SLC9C1: variants seen among roughly 807,000 people sequenced by gnomAD.
SLC9C1 encodes the protein solute carrier family 9 member C1, also known as sodium/hydrogen exchanger 10.
In SLC9C1, 97 loss-of-function variants were observed where a neutral mutation model predicts 140.9. The ratio of observed to expected loss-of-function variants is 0.69; its 90% CI spans 0.58 to 0.82. The LOEUF is 0.82. SLC9C1 is among the 40% of genes least tolerant of loss of function. The pLI, the probability that SLC9C1 is intolerant of heterozygous loss-of-function variation, is 0.00. For synonymous variants in SLC9C1, 440 were observed against 442.6 expected (o/e 0.99, Z 0.07); for missense variants, 1,340 against 1,389.3 (o/e 0.96, Z 0.56).
intron 11 of SLC9C1, 135 bp from the exon 12 acceptor site, chr3:112,240,141 G>T: frequency 1.3e-6 from 1 of 795,488 alleles, no homozygotes; most frequent in Non-Finnish European, 1.9e-6. Flanking sequence ...TTAATAATGG[G>T]AATACTAAAG....
chr3:112,239,698 T>A lies in SLC9C1; in HGVS notation c.1446+142A>T, dbSNP rs537771541. ...GAAGTTCCTTAACACTCCCCCTTACTACTTTGTTAAATAGAGTTATTAACA... is the reference window on the plus strand; with the variant it reads ...GAAGTTCCTTAACACTCCCCCTTACAACTTTGTTAAATAGAGTTATTAACA... On this transcript the variant is annotated intron_variant, in intron 12 of 28. Coordinates refer to ENST00000305815, the MANE Select transcript of SLC9C1 (RefSeq NM_183061.3). 4.0e-5 allele frequency: 33 copies of A among 828,884 alleles called. 1 individual carries two copies. In the South Asian group the frequency reaches 7.0e-4, roughly 18 times the overall value. 51.3% of individuals were successfully genotyped at this position (828,884 alleles called of 1,614,324 possible).
chr3:112,223,572 TAAAC>T (rs971354918), intron 13 of SLC9C1, among the ~76,000 whole-genome samples: 102 of 138,282 alleles, frequency 7.4e-4, no homozygotes, highest in African/African-American at 2.6e-3. Context: ...ATCAAACAAA[TAAAC>T]AAAGAATGAT....
chr3:112,286,225 C>A (rs2080503541), intron 2 of SLC9C1, among the ~76,000 whole-genome samples: 1 of 152,140 alleles, frequency 6.6e-6, no homozygotes, highest in Non-Finnish European at 1.5e-5. Flanking sequence ...TAAGTAATAT[C>A]ATAACATTTG....
chr3:112,287,017 G>A (rs539573531), intron 1 of SLC9C1, 139 bp from the exon 2 acceptor site: 1 of 413,568 alleles, frequency 2.4e-6, no homozygotes. Context: ...CTTCTATGAT[G>A]CTTTCAAGTT....
chr3:112,254,039 G>GA (rs1228961368), intron 10 of SLC9C1, among the ~76,000 whole-genome samples: 2 of 152,066 alleles, frequency 1.3e-5, no homozygotes, highest in African/African-American at 4.8e-5. Flanking sequence ...AGATAAAAAT[G>GA]AAAAAAGAAT....
chr3:112,144,111 C>T (rs2074712488), intron 28 of SLC9C1, among the ~76,000 whole-genome samples: 1 of 148,832 alleles, frequency 6.7e-6, no homozygotes. Flanking sequence ...GTCTATGTGT[C>T]TGTTTTTGTA....
chr3:112,196,268 T>TA (rs561214932), intron 20 of SLC9C1, among the ~76,000 whole-genome samples: 1 of 152,086 alleles, frequency 6.6e-6, no homozygotes, highest in Non-Finnish European at 1.5e-5. Context: ...CTATTAATCT[T>TA]ATTGAGGATC....
chr3:112,235,680 G>A (rs1354564630), intron 12 of SLC9C1, among the ~76,000 whole-genome samples: 1 of 152,160 alleles, frequency 6.6e-6, no homozygotes, highest in Non-Finnish European at 1.5e-5. Flanking sequence ...TAGCATGAAG[G>A]GCTGTTGCAT....
chr3:112,150,795 TATATATATATATATAA>T (rs1560003246), intron 28 of SLC9C1, among the ~76,000 whole-genome samples: 1 of 43,382 alleles, frequency 2.3e-5, no homozygotes, highest in Non-Finnish European at 4.0e-5. Context: ...TACATATACA[TATATATATATATATAA>T]ATACATATAC....
At chr3:112,210,370 G>A (rs1044262111) in intron 15 of SLC9C1, among the ~76,000 whole-genome samples, 12 of 152,220 alleles carry the variant, frequency 7.9e-5, no homozygotes, top group African/African-American at 2.2e-4. Flanking sequence ...CAAAGAGGAT[G>A]ACCCTTATGC....
intron 19 of SLC9C1, among the ~76,000 whole-genome samples, chr3:112,199,795 G>C (rs2077861543): frequency 6.6e-6 from 1 of 152,008 alleles, no homozygotes; most frequent in Non-Finnish European, 1.5e-5. Flanking sequence ...TGGAGTTCAT[G>C]ACTCATTTTC....
Position 112,204,938 on chromosome 3 carries a change from C to T in SLC9C1, c.1987-535G>A, listed in dbSNP as rs377744827. On this transcript the variant is annotated intron_variant, in intron 16 of 28. Coordinates refer to ENST00000305815, the MANE Select transcript of SLC9C1 (RefSeq NM_183061.3). ...GATTATGCTTTCTTCACTAAATTCA[C>T]TTGTGTAATTTCATTCTGGGATAAC... Among the ~76,000 whole-genome samples the T allele has an allele frequency of 2.6e-5, 4 of 152,176 alleles. No individual in the cohort carries two copies. The East Asian group carries it at 5.8e-4, about 22-fold the overall frequency.
At chr3:112,277,230 G>A (rs925702689) in intron 5 of SLC9C1, among the ~76,000 whole-genome samples, 2 of 152,072 alleles carry the variant, frequency 1.3e-5, no homozygotes, top group African/African-American at 4.8e-5. Flanking sequence ...CTGTGTGATT[G>A]TTGAGTTTAC....
At chr3:112,181,690 A>G (rs2077442645) in intron 21 of SLC9C1, among the ~76,000 whole-genome samples, 1 of 152,238 alleles carries the variant, frequency 6.6e-6, no homozygotes, top group African/African-American at 2.4e-5. Context: ...TATAGTTCAC[A>G]GGAAGGTCTT....
At chr3:112,147,343 A>G (rs1333824063) in intron 28 of SLC9C1, among the ~76,000 whole-genome samples, 1 of 152,166 alleles carries the variant, frequency 6.6e-6, no homozygotes, top group African/African-American at 2.4e-5. Context: ...TTAGCTGTGT[A>G]TTGTGCAGTT....
chr3:112,272,273 T>G (rs533195687), intron 6 of SLC9C1, among the ~76,000 whole-genome samples: 2 of 152,340 alleles, frequency 1.3e-5, no homozygotes, highest in South Asian at 4.1e-4. Context: ...GGAAAATACA[T>G]TTTAATAAGT....
intron 15 of SLC9C1, among the ~76,000 whole-genome samples, chr3:112,214,791 C>A (rs1485915098): frequency 6.6e-6 from 1 of 152,298 alleles, no homozygotes; most frequent in Non-Finnish European, 1.5e-5. Context: ...CAAGGAGGAG[C>A]TGCTACCATT....
chr3:112,263,979 T>C (rs1316879913), intron 9 of SLC9C1, among the ~76,000 whole-genome samples: 1 of 151,836 alleles, frequency 6.6e-6, no homozygotes, highest in Non-Finnish European at 1.5e-5. Context: ...ATATGTCAAA[T>C]GTTGAGTTTT....
At chr3:112,145,094 G>A (rs1274106981) in intron 28 of SLC9C1, among the ~76,000 whole-genome samples, 4 of 152,030 alleles carry the variant, frequency 2.6e-5, no homozygotes, top group Admixed American at 2.0e-4. Context: ...AAAAATAATA[G>A]GAGCTTGATG....
Sources: gnomAD v4.1 joint callset for allele counts (sites outside exome capture counted in the v4.1 genomes callset) on GRCh38, gnomAD v4.1.1 for gene constraint, MANE v1.5 for transcripts, NCBI Gene and HGNC (gene_info 2026-07-23, HGNC 2026-07-21) for gene names.